The following PITPNC1 variants were observed in gnomAD, a reference collection of about 807,000 sequenced individuals.
PITPNC1 encodes cytoplasmic phosphatidylinositol transfer protein 1.
Under a neutral mutation model 44.7 loss-of-function variants are expected in PITPNC1, and 18 were observed. The observed-to-expected ratio is 0.40, with a 90% CI of 0.28 to 0.60. PITPNC1 has a LOEUF of 0.60. PITPNC1 is among the 20% of genes least tolerant of loss of function. The pLI, the probability that PITPNC1 is intolerant of heterozygous loss-of-function variation, is 0.39. For synonymous variants in PITPNC1, 141 were observed against 149.6 expected, an observed-to-expected ratio of 0.94 and a Z score of 0.42; for missense variants, 290 against 418.4, an observed-to-expected ratio of 0.69 and a Z score of 2.68.
intron 1 of PITPNC1, among the ~76,000 whole-genome samples, chr17:67,519,171 G>GTTTTTTTTTTTTTTTT (rs563294178): frequency 2.5e-5 from 2 of 78,752 alleles, no homozygotes; most frequent in African/African-American, 5.3e-5. Context: ...GCAGCATTCT[G>GTTTTTTTTTTTTTTTT]TTTTTTTTTT....
intron 2 of PITPNC1, among the ~76,000 whole-genome samples, chr17:67,539,437 T>G (rs933348977): frequency 6.6e-6 from 1 of 152,240 alleles, no homozygotes; most frequent in African/African-American, 2.4e-5. Flanking sequence ...GAATACATTA[T>G]GGCACATTCA....
intron 5 of PITPNC1, among the ~76,000 whole-genome samples, chr17:67,614,478 C>T (rs1251350483): frequency 6.6e-6 from 1 of 152,014 alleles, no homozygotes; most frequent in Non-Finnish European, 1.5e-5. Flanking sequence ...TCGAGATCAG[C>T]CTGAGCAACA....
intron 6 of PITPNC1, among the ~76,000 whole-genome samples, chr17:67,653,938 C>T (rs536430962): frequency 2.0e-5 from 3 of 152,142 alleles, no homozygotes; most frequent in Admixed American, 1.3e-4. Context: ...CTTTGAGGCT[C>T]ACCCATCCTG....
At chr17:67,526,530 A>G (rs2040393310) in intron 1 of PITPNC1, among the ~76,000 whole-genome samples, 1 of 151,950 alleles carries the variant, frequency 6.6e-6, no homozygotes, top group South Asian at 2.1e-4. Flanking sequence ...GGAGTTCGAG[A>G]TCAGCCTGGC....
intron 7 of PITPNC1, among the ~76,000 whole-genome samples, chr17:67,674,417 T>C (rs2042567136): frequency 6.7e-6 from 1 of 150,158 alleles, no homozygotes; most frequent in Non-Finnish European, 1.5e-5. Context: ...GGCACAAGAA[T>C]CGCTTAAACA....
chr17:67,487,195 G>A (rs976720346), intron 1 of PITPNC1, among the ~76,000 whole-genome samples: 2 of 151,864 alleles, frequency 1.3e-5, no homozygotes, highest in Non-Finnish European at 2.9e-5. Context: ...TGTTTATTTT[G>A]ACAGGTTCTC....
intron 1 of PITPNC1, among the ~76,000 whole-genome samples, chr17:67,504,845 T>A (rs1583319): frequency 0.6 from 90,801 of 151,936 alleles, 27,196 homozygotes; most frequent in East Asian, 0.74. Context: ...ATGCGAAATC[T>A]TTTTCTTTTT....
In PITPNC1 at chr17:67,584,642, A is replaced by G. The variant is rs536173317; in HGVS notation, c.366+6385A>G. On this transcript the variant is annotated intron_variant, in intron 5 of 8. Coordinates refer to ENST00000581322, the MANE Select transcript of PITPNC1 (RefSeq NM_012417.4). ...TCATAAACTGTGAAGTGCCATGCAA[A>G]TAAGAGACATGATTACTGTGATGGC... Among the ~76,000 whole-genome samples the G allele has an allele frequency of 2.6e-4, 39 of 152,330 alleles. 1 individual carries two copies. In the South Asian group the frequency reaches 7.7e-3, roughly 30 times the overall value.
chr17:67,656,193 T>G (rs1013601717), intron 6 of PITPNC1, among the ~76,000 whole-genome samples: 6 of 152,188 alleles, frequency 3.9e-5, no homozygotes, highest in Middle Eastern at 3.2e-3. Flanking sequence ...ACCTTGCTCT[T>G]CTGTCTGGAC....
chr17:67,593,687 T>C (rs1236123755), intron 5 of PITPNC1, among the ~76,000 whole-genome samples: 2 of 152,178 alleles, frequency 1.3e-5, no homozygotes, highest in African/African-American at 2.4e-5. Flanking sequence ...GCGTGAGCCA[T>C]GTTTTTTATA....
At chr17:67,545,157 T>C (rs1434285100) in intron 2 of PITPNC1, among the ~76,000 whole-genome samples, 1 of 151,536 alleles carries the variant, frequency 6.6e-6, no homozygotes, top group Admixed American at 6.6e-5. Flanking sequence ...ACAAAAACTT[T>C]AAGATATAGG....
At position 67,400,347 on chromosome 17, in the gene PITPNC1, T is replaced by C. The variant is rs186654770; in HGVS notation, c.48+22145T>C. On this transcript the variant is annotated intron_variant, in intron 1 of 8. Coordinates refer to ENST00000581322, the MANE Select transcript of PITPNC1 (RefSeq NM_012417.4). ...CCTGATGTTTATGTTGCTATGGTGG[T>C]GTGTCTCTTGCTCGGGTGACAAGAT... Among the ~76,000 whole-genome samples the C allele has an allele frequency of 3.3e-5, 5 of 152,314 alleles. No individual in the cohort carries two copies. In the East Asian group the frequency reaches 9.6e-4, roughly 29 times the overall value.
At chr17:67,484,746 T>C (rs964936993) in intron 1 of PITPNC1, among the ~76,000 whole-genome samples, 1 of 152,136 alleles carries the variant, frequency 6.6e-6, no homozygotes, top group Non-Finnish European at 1.5e-5. Context: ...GAGACCAGCC[T>C]GGTCAACATG....
intron 8 of PITPNC1, among the ~76,000 whole-genome samples, chr17:67,677,145 C>T (rs576439049): frequency 6.6e-6 from 1 of 152,116 alleles, no homozygotes; most frequent in African/African-American, 2.4e-5. Flanking sequence ...GAGCACAGAC[C>T]CCAAGAAAGG....
At chr17:67,510,211 G>A (rs1202445948) in intron 1 of PITPNC1, among the ~76,000 whole-genome samples, 4 of 151,742 alleles carry the variant, frequency 2.6e-5, no homozygotes, top group East Asian at 1.9e-4. Flanking sequence ...ACTAATCTGG[G>A]TCTAAAGCAG....
intron 2 of PITPNC1, among the ~76,000 whole-genome samples, chr17:67,551,014 C>T (rs1011011492): frequency 6.6e-6 from 1 of 152,120 alleles, no homozygotes; most frequent in African/African-American, 2.4e-5. Context: ...TGAGCCGAGA[C>T]TGCACCAGTG....
At chr17:67,633,921 G>A (rs989358989) in intron 6 of PITPNC1, among the ~76,000 whole-genome samples, 3 of 152,250 alleles carry the variant, frequency 2.0e-5, no homozygotes, top group East Asian at 1.9e-4. Context: ...GTGCTTTGGC[G>A]TGGCTCTGCC....
At chr17:67,624,006 C>G (rs578207757) in intron 5 of PITPNC1, among the ~76,000 whole-genome samples, 2 of 152,212 alleles carry the variant, frequency 1.3e-5, no homozygotes, top group African/African-American at 4.8e-5. Flanking sequence ...GTGTACCTGT[C>G]CCTACTCAAT....
chr17:67,684,983 C>T (rs1006225116), intron 8 of PITPNC1, among the ~76,000 whole-genome samples: 1 of 152,246 alleles, frequency 6.6e-6, no homozygotes, highest in African/African-American at 2.4e-5. Context: ...TTCCAAATTA[C>T]TGTCATGCCT....
Sources: gnomAD v4.1 joint callset for allele counts (sites outside exome capture counted in the v4.1 genomes callset) on GRCh38, gnomAD v4.1.1 for gene constraint, MANE v1.5 for transcripts, NCBI Gene and HGNC (gene_info 2026-07-23, HGNC 2026-07-21) for gene names.